The following SNRPN variants were observed in gnomAD, a reference collection of about 807,000 sequenced individuals.
SNRPN encodes the protein small nuclear ribonucleoprotein polypeptide N, also known as small nuclear ribonucleoprotein-associated protein N.
A neutral mutation model predicts 25.2 loss-of-function variants in SNRPN; 7 were observed. That is an observed-to-expected ratio of 0.28 (90% CI 0.16 to 0.52). The LOEUF (loss-of-function observed/expected upper bound fraction) is 0.52. Ranked by LOEUF, SNRPN falls within the 20% of genes least tolerant of loss-of-function variation. The pLI is 0.96. For synonymous variants in SNRPN, 124 were observed against 110.6 expected (o/e 1.12, Z -0.76); for missense variants, 196 against 322.5 (o/e 0.61, Z 3.00).
chr15:24,967,808 GAAAAAAAAA>G, intron 2 of SNRPN, 115 bp from the exon 3 acceptor site: 14 of 491,520 alleles, frequency 2.8e-5, no homozygotes, highest in East Asian at 9.1e-5. Flanking sequence ...ACCCTGTCTG[GAAAAAAAAA>G]AAAAAAAAAA....
chr15:24,874,355 C>T (rs922924329), intron 1 of SNRPN, among the ~76,000 whole-genome samples: 5 of 131,350 alleles, frequency 3.8e-5, no homozygotes, highest in Non-Finnish European at 3.2e-5. Flanking sequence ...AGACCAAAAA[C>T]GAGCCATATG....
At chr15:24,915,289 G>A (rs747527418) in intron 2 of SNRPN, among the ~76,000 whole-genome samples, 19 of 151,760 alleles carry the variant, frequency 1.3e-4, no homozygotes, top group Non-Finnish European at 2.5e-4. Context: ...CACCATACCC[G>A]GCTAATTTTT....
chr15:24,855,464 A>G (rs2053297914), upstream of SNRPN, among the ~76,000 whole-genome samples: 1 of 152,102 alleles, frequency 6.6e-6, no homozygotes, highest in African/African-American at 2.4e-5. Context: ...CTTTTTTTGT[A>G]TGGAAAACAC....
At position 24,955,022 on chromosome 15, in the gene SNRPN, T is replaced by G. The variant is rs540110981; in HGVS notation, c.-431T>G. On this transcript the variant is annotated 5_prime_UTR_variant, in exon 1 of 10. Coordinates refer to ENST00000390687, the MANE Select transcript of SNRPN (RefSeq NM_003097.6). Reference sequence around the variant, plus strand: ...GCGGCCGCCGGAGATGCCTGACGCATCTGTCTGAGGAGCGGTCAGTGACGC... The same window carrying G: ...GCGGCCGCCGGAGATGCCTGACGCAGCTGTCTGAGGAGCGGTCAGTGACGC... 6.2e-7 allele frequency: 1 copy of G among 1,612,742 alleles called. No individual in the cohort carries two copies. Among genetic ancestry groups the G allele is most frequent in the Non-Finnish European group, 8.5e-7 (1 of 1,179,948 alleles).
At chr15:24,958,719 CTTATTTTT>C (rs2074288627) in intron 1 of SNRPN, 1 of 152,864 alleles carries the variant, frequency 6.5e-6, no homozygotes, top group Non-Finnish European at 1.5e-5. Context: ...TATCATTAAC[CTTATTTTT>C]TTGTTTTTAG....
At chr15:24,894,148 G>T (rs747870872) in intron 2 of SNRPN, among the ~76,000 whole-genome samples, 1 of 152,132 alleles carries the variant, frequency 6.6e-6, no homozygotes, top group Non-Finnish European at 1.5e-5. Flanking sequence ...CCAACCTGAT[G>T]GTTGGCTGCT....
intron 3 of SNRPN, among the ~76,000 whole-genome samples, chr15:24,931,007 A>G (rs1358555995): frequency 1.3e-5 from 2 of 152,010 alleles, no homozygotes; most frequent in Non-Finnish European, 2.9e-5. Flanking sequence ...CCAAGATCAC[A>G]CCACTGCACT....
chr15:24,958,486 GTTTTTTTTTTTT>G (rs71127030), intron 1 of SNRPN, among the ~76,000 whole-genome samples: 19 of 65,298 alleles, frequency 2.9e-4, no homozygotes, highest in East Asian at 2.1e-3. Context: ...CTGGCTCAAA[GTTTTTTTTTTTT>G]TTTTTTTTTT....
chr15:24,867,520 G>A (rs370522411), intron 1 of SNRPN, among the ~76,000 whole-genome samples: 22 of 151,770 alleles, frequency 1.4e-4, no homozygotes, highest in African/African-American at 4.6e-4. Context: ...GACTACAGGC[G>A]CCCGCCACCA....
At chr15:24,934,417 T>G (rs1452657821) in intron 3 of SNRPN, among the ~76,000 whole-genome samples, 1 of 152,224 alleles carries the variant, frequency 6.6e-6, no homozygotes, top group African/African-American at 2.4e-5. Context: ...TCATGCCCAC[T>G]TGTTTACATA....
rs898239598 is a variant in SNRPN at position 24,955,016 on chromosome 15, G to C, written c.-437G>C. On this transcript the variant is annotated 5_prime_UTR_variant, in exon 1 of 10. Coordinates refer to ENST00000390687, the MANE Select transcript of SNRPN (RefSeq NM_003097.6). ...AGTGGAGCGGCCGCCGGAGATGCCT[G>C]ACGCATCTGTCTGAGGAGCGGTCAG... The C allele has an allele frequency of 6.2e-7, 1 of 1,612,432 alleles. No homozygotes were observed.
chr15:24,843,902 G>C (rs1439674988), intron 2 of SNRPN, among the ~76,000 whole-genome samples: 1 of 151,936 alleles, frequency 6.6e-6, no homozygotes, highest in Non-Finnish European at 1.5e-5. Context: ...GAACCTGGGA[G>C]GCAGAGGTTG....
chr15:24,927,179 G>C (rs1381597086), intron 3 of SNRPN, among the ~76,000 whole-genome samples: 1 of 151,398 alleles, frequency 6.6e-6, no homozygotes, highest in East Asian at 1.9e-4. Flanking sequence ...GGGGTGCAAT[G>C]GCATAATCAT....
At position 24,849,629 on chromosome 15, in the gene SNRPN, C is replaced by T. The variant is rs188067038; in HGVS notation, c.-579+19724C>T. 3.3e-5 allele frequency: 5 copies of T among 152,310 alleles called. No homozygotes were observed. The East Asian group carries it at 5.8e-4, about 18-fold the overall frequency. The allele number at this position is 152,310 out of a possible 1,614,324, so 9.4% of individuals were successfully genotyped here. ...GACACGCTGTGAACAACTATGTCCA[C>T]CTCCCCTTCATTTCCTAGTATTGGA... On this transcript the variant is annotated intron_variant, in intron 2 of 12. Transcript: ENST00000400100.
Position 24,949,010 on chromosome 15 carries a change from C to CTTTT in SNRPN, c.-390-13078_-390-13075dup, listed in dbSNP as rs869100437. 5.2e-4 allele frequency among the ~76,000 whole-genome samples: 24 copies of CTTTT among 46,416 alleles called. 3 individuals carry two copies. Among genetic ancestry groups the CTTTT allele is most frequent in the African/African-American group, 1.1e-3 (12 of 11,186 alleles). The allele number at this position is 46,416 out of a possible 152,430, so 30.5% of individuals were successfully genotyped here. On this transcript the variant is annotated intron_variant, in intron 3 of 11. Coordinates refer to the SNRPN transcript ENST00000400097. ...TTCTGTCTATATGGATTTGCCTATT[C>CTTTT]TTTTTTTTTTTTTTTTTTTTTTTTT...
At chr15:24,832,749 G>C (rs1260058605) in intron 2 of SNRPN, among the ~76,000 whole-genome samples, 1 of 151,960 alleles carries the variant, frequency 6.6e-6, no homozygotes, top group Non-Finnish European at 1.5e-5. Flanking sequence ...GAGCAAGCTG[G>C]CAGTTAGATG....
At chr15:24,895,632 G>T (rs2096912685) in intron 2 of SNRPN, among the ~76,000 whole-genome samples, 2 of 152,250 alleles carry the variant, frequency 1.3e-5, no homozygotes, top group African/African-American at 4.8e-5. Context: ...TGGCTCATGA[G>T]ATAAGAATGC....
At chr15:24,879,999 A>G (rs934059703) in intron 1 of SNRPN, among the ~76,000 whole-genome samples, 1 of 152,142 alleles carries the variant, frequency 6.6e-6, no homozygotes, top group Non-Finnish European at 1.5e-5. Context: ...TTTCCCAAGC[A>G]TCTTTCCTTC....
rs551088133 is a variant in SNRPN, at chr15:24,942,290, C to T, written c.-390-19824C>T. On this transcript the variant is annotated intron_variant, in intron 3 of 11. Coordinates refer to the SNRPN transcript ENST00000400097. ...TGGTTTCTAGACTTGTCAACCCCGACTATGGGAGAAACAGCAATATATTGG... is the reference window on the plus strand; with the variant it reads ...TGGTTTCTAGACTTGTCAACCCCGATTATGGGAGAAACAGCAATATATTGG... 7 of 152,264 alleles carry T rather than the reference C, an allele frequency of 4.6e-5. No individual in the cohort carries two copies. In the South Asian group the frequency reaches 1.5e-3, roughly 32 times the overall value. 9.4% of individuals were successfully genotyped at this position (152,264 alleles called of 1,614,324 possible).
Sources: allele counts gnomAD v4.1 joint callset (sites outside exome capture counted in the v4.1 genomes callset), GRCh38; gene constraint gnomAD v4.1.1; transcripts MANE v1.5; gene names NCBI Gene and HGNC (gene_info 2026-07-23, HGNC 2026-07-21).